SEMA6D: variants seen among roughly 807,000 people sequenced by gnomAD.
The protein encoded by SEMA6D is semaphorin-6D.
A neutral mutation model predicts 106.6 loss-of-function variants in SEMA6D; 35 were observed. The ratio of observed to expected loss-of-function variants is 0.33; its 90% confidence interval spans 0.25 to 0.44. SEMA6D has a LOEUF of 0.44. Among genes scored for constraint, SEMA6D ranks in the 20% least tolerant of loss-of-function variants. The pLI, the probability that SEMA6D is intolerant of heterozygous loss-of-function variation, is 1.00. For synonymous variants in SEMA6D, 499 were observed against 487.7 expected (o/e 1.02, Z -0.31); for missense variants, 1,185 against 1,345.9 (o/e 0.88, Z 1.87).
chr15:47,309,514 A>G (rs1368159993), intron 1 of SEMA6D, among the ~76,000 whole-genome samples: 1 of 152,184 alleles, frequency 6.6e-6, no homozygotes, highest in Non-Finnish European at 1.5e-5. Flanking sequence ...TGCCGAAGAG[A>G]AGCCATAAAG....
upstream of SEMA6D, among the ~76,000 whole-genome samples, chr15:47,715,253 G>C (rs867107260): frequency 2.4e-4 from 36 of 152,248 alleles, no homozygotes; most frequent in African/African-American, 8.7e-4. Context: ...GTAGGGAGAG[G>C]GGGGAGTTAG....
intron 1 of SEMA6D, among the ~76,000 whole-genome samples, chr15:47,213,569 C>G (rs943003369): frequency 6.6e-6 from 1 of 152,122 alleles, no homozygotes; most frequent in African/African-American, 2.4e-5. Flanking sequence ...CTAAATCAAC[C>G]CAAATCTGAT....
intron 1 of SEMA6D, among the ~76,000 whole-genome samples, chr15:47,199,712 T>C (rs1894594375): frequency 6.6e-6 from 1 of 152,104 alleles, no homozygotes; most frequent in Non-Finnish European, 1.5e-5. Flanking sequence ...GCAAGAAAAC[T>C]TGCTAAACTA....
At position 47,251,860 on chromosome 15, in the gene SEMA6D, C is replaced by G. The variant is rs532327766; in HGVS notation, c.-239+67442C>G. ...TATTAATATTTGCCATTTGTATGTC[C>G]TCTTCAGTAAGTATCTGTTCATGTA... On this transcript the variant is annotated intron_variant, in intron 1 of 19. Transcript: ENST00000558014. Among the ~76,000 whole-genome samples, 398 of 150,422 alleles carry G rather than the reference C, an allele frequency of 2.6e-3. 1 individual carries two copies. Among genetic ancestry groups the G allele is most frequent in the African/African-American group, 9.4e-3 (383 of 40,902 alleles).
chr15:47,526,430 T>G (rs1157848776), intron 3 of SEMA6D, among the ~76,000 whole-genome samples: 1 of 152,170 alleles, frequency 6.6e-6, no homozygotes, highest in African/African-American at 2.4e-5. Flanking sequence ...AGGCTAGTTT[T>G]AAGGTAGGCC....
intron 1 of SEMA6D, among the ~76,000 whole-genome samples, chr15:47,379,230 C>T (rs1226714499): frequency 6.6e-6 from 1 of 152,124 alleles, no homozygotes; most frequent in African/African-American, 2.4e-5. Flanking sequence ...AAATAATGTG[C>T]TTGAGGGAGC....
intron 4 of SEMA6D, among the ~76,000 whole-genome samples, chr15:47,658,811 A>G (rs1215052931): frequency 6.6e-6 from 1 of 152,102 alleles, no homozygotes; most frequent in Non-Finnish European, 1.5e-5. Context: ...GGAGACTGTC[A>G]TTTAACTTCC....
chr15:47,263,386 C>T (rs780998793), intron 1 of SEMA6D, among the ~76,000 whole-genome samples: 51 of 151,822 alleles, frequency 3.4e-4, no homozygotes, highest in African/African-American at 4.8e-4. Context: ...AAGTGGGCAA[C>T]GGACATGAAA....
chr15:47,433,112 A>G (rs554383791), intron 2 of SEMA6D, among the ~76,000 whole-genome samples: 37 of 152,150 alleles, frequency 2.4e-4, no homozygotes, highest in African/African-American at 8.9e-4. Context: ...TAAGCTGTCT[A>G]TAGACTATAA....
chr15:47,762,945 C>A, intron 8 of SEMA6D, 71 bp from the exon 9 acceptor site: 1 of 1,124,392 alleles, frequency 8.9e-7, no homozygotes, highest in Non-Finnish European at 1.3e-6. Context: ...GTCAGTCATG[C>A]TTTGCAGTCG....
chr15:47,401,202 C>T (rs960155431), intron 1 of SEMA6D, among the ~76,000 whole-genome samples: 1 of 152,052 alleles, frequency 6.6e-6, no homozygotes, highest in Admixed American at 6.6e-5. Context: ...AATTCCTTTG[C>T]GTCTTACTTC....
At chr15:47,717,789 G>GTGTA (rs2079171802) in intron 1 of SEMA6D, 97 bp downstream of exon 1, 1 of 145,582 alleles carries the variant, frequency 6.9e-6, no homozygotes, top group African/African-American at 2.9e-5. Context: ...GTGTGTGTGT[G>GTGTA]TGTGTGCGCG....
intron 1 of SEMA6D, chr15:47,730,204 A>G: frequency 6.5e-7 from 1 of 1,546,882 alleles, no homozygotes; most frequent in Non-Finnish European, 8.8e-7. Flanking sequence ...TGCGAGCCAC[A>G]GACTTAGGAT....
chr15:47,625,193 G>A (rs902952556), intron 4 of SEMA6D, among the ~76,000 whole-genome samples: 1 of 152,054 alleles, frequency 6.6e-6, no homozygotes, highest in Non-Finnish European at 1.5e-5. Flanking sequence ...CTTGCTCATG[G>A]AGAGGAATAA....
intron 1 of SEMA6D, among the ~76,000 whole-genome samples, chr15:47,382,200 A>C (rs1323090915): frequency 6.6e-6 from 1 of 152,198 alleles, no homozygotes; most frequent in Non-Finnish European, 1.5e-5. Flanking sequence ...TTACATGATG[A>C]GTCAAGCCTT....
intron 4 of SEMA6D, among the ~76,000 whole-genome samples, chr15:47,604,866 A>ATTTTTTTTTT (rs56218960): frequency 1.4e-5 from 2 of 144,170 alleles, no homozygotes; most frequent in Non-Finnish European, 3.0e-5. Flanking sequence ...TGCCTGGCTA[A>ATTTTTTTTTT]TTTTTTTTTT....
chr15:47,301,189 G>A (rs973235553), intron 1 of SEMA6D, among the ~76,000 whole-genome samples: 5 of 152,158 alleles, frequency 3.3e-5, no homozygotes, highest in African/African-American at 1.2e-4. Context: ...TGGAGTCAGC[G>A]ATTTCTAAGA....
At position 47,434,882 on chromosome 15, in the gene SEMA6D, G is replaced by A. The variant is rs142539097; in HGVS notation, c.-159+22410G>A. Among the ~76,000 whole-genome samples, 347 of 152,110 alleles carry A rather than the reference G, an allele frequency of 2.3e-3. 3 individuals are homozygous for A. Among genetic ancestry groups the A allele is most frequent in the African/African-American group, 7.7e-3 (318 of 41,518 alleles). On this transcript the variant is annotated intron_variant, in intron 2 of 19. Transcript: ENST00000558014. ...TGCCAGATGGGAAGAAAATGGGGCC[G>A]TCCTTTGACCTTGAAGAGGGACTAA... is the stretch of plus-strand genomic sequence containing the variant.
intron 1 of SEMA6D, among the ~76,000 whole-genome samples, chr15:47,727,916 G>T (rs1440357279): frequency 6.6e-6 from 1 of 152,256 alleles, no homozygotes; most frequent in Non-Finnish European, 1.5e-5. Flanking sequence ...TTGACTAGAT[G>T]CATTAGAGAG....
Sources: allele counts gnomAD v4.1 joint callset (sites outside exome capture counted in the v4.1 genomes callset), GRCh38; gene constraint gnomAD v4.1.1; transcripts MANE v1.5; gene names NCBI Gene and HGNC (gene_info 2026-07-23, HGNC 2026-07-21).